The following GPM6A variants were observed in gnomAD, a reference collection of about 807,000 sequenced individuals.
GPM6A encodes the protein neuronal membrane glycoprotein M6-a.
GPM6A carries 7 observed loss-of-function variants against 32.1 expected under a neutral mutation model. That is an observed-to-expected ratio of 0.22 (90% CI 0.12 to 0.41). The LOEUF (loss-of-function observed/expected upper bound fraction) is 0.41, where lower values mean the gene tolerates loss of function less well. GPM6A is among the 10% of genes least tolerant of loss of function. GPM6A has a pLI of 1.00. For synonymous variants in GPM6A, 130 were observed against 123.4 expected, an observed-to-expected ratio of 1.05 and a Z score of -0.35; for missense variants, 235 against 347.2, an observed-to-expected ratio of 0.68 and a Z score of 2.57.
At chr4:175,772,083 T>C (rs924099506) in intron 1 of GPM6A, among the ~76,000 whole-genome samples, 14 of 152,162 alleles carry the variant, frequency 9.2e-5, no homozygotes, top group African/African-American at 3.4e-4. Context: ...TCCTCCCAGG[T>C]CAGTCACAAG....
rs149725391 is a variant in GPM6A, at chr4:175,648,113, CT to C, written c.541+3720del. Among the ~76,000 whole-genome samples the C allele has an allele frequency of 1.3e-3, 193 of 151,460 alleles. 3 individuals carry two copies. In the East Asian group the frequency reaches 0.029, roughly 23 times the overall value. On this transcript the variant is annotated intron_variant, in intron 4 of 6. Transcript: ENST00000393658. ...AAGAAATAATATAGCACATTCTTTT[CT>C]TTTTTTAAAAAAAAAAGACAATCAG... is the stretch of plus-strand genomic sequence containing the variant.
chr4:175,744,633 A>C (rs996065047), intron 1 of GPM6A, among the ~76,000 whole-genome samples: 5 of 152,160 alleles, frequency 3.3e-5, no homozygotes, highest in South Asian at 2.1e-4. Flanking sequence ...GGAAGAAAAA[A>C]TAATAACACA....
intron 1 of GPM6A, among the ~76,000 whole-genome samples, chr4:175,839,780 ATATAT>A (rs942075590): frequency 5.3e-5 from 8 of 152,144 alleles, no homozygotes; most frequent in African/African-American, 1.7e-4. Flanking sequence ...TAGCTTGTTC[ATATAT>A]TATAATTCCA....
chr4:175,637,306 A>ATATAT (rs1740749386), intron 6 of GPM6A, among the ~76,000 whole-genome samples: 2 of 80,762 alleles, frequency 2.5e-5, no homozygotes, highest in African/African-American at 1.0e-4. Flanking sequence ...ATTATATATT[A>ATATAT]TATATAATAT....
chr4:175,978,420 G>T (rs1314686071), intron 1 of GPM6A, among the ~76,000 whole-genome samples: 1 of 152,096 alleles, frequency 6.6e-6, no homozygotes, highest in Non-Finnish European at 1.5e-5. Context: ...GATGAGATTT[G>T]GGTGGGGACA....
chr4:175,821,785 C>T (rs7676791), intron 1 of GPM6A, among the ~76,000 whole-genome samples: 126,336 of 151,932 alleles, frequency 0.83, 53,929 homozygotes, highest in Middle Eastern at 0.95. Flanking sequence ...TTTTAAAAAT[C>T]AGTCCTATAA....
At chr4:175,995,360 TG>T (rs1319882552) in intron 1 of GPM6A, among the ~76,000 whole-genome samples, 1 of 147,238 alleles carries the variant, frequency 6.8e-6, no homozygotes, top group East Asian at 2.0e-4. Context: ...AATTGCTGCT[TG>T]ATCCTTTCAA....
At chr4:175,835,772 TATATA>T (rs200186452) in intron 1 of GPM6A, among the ~76,000 whole-genome samples, 2,141 of 147,726 alleles carry the variant, frequency 0.014, 55 homozygotes, top group African/African-American at 0.051. Context: ...TTACTAACAT[TATATA>T]ATAAAGCATA....
intron 1 of GPM6A, among the ~76,000 whole-genome samples, chr4:175,893,008 C>T (rs2111478966): frequency 6.6e-6 from 1 of 152,306 alleles, no homozygotes; most frequent in East Asian, 1.9e-4. Flanking sequence ...GTTCTGCTCC[C>T]TTTGCTTGAA....
At chr4:175,804,757 G>A (rs1026146859) in intron 1 of GPM6A, among the ~76,000 whole-genome samples, 2 of 152,126 alleles carry the variant, frequency 1.3e-5, no homozygotes, top group Non-Finnish European at 2.9e-5. Context: ...TGTTAAAAAT[G>A]AAAGTGGGCC....
At chr4:175,927,848 G>C (rs1001278807) in intron 1 of GPM6A, among the ~76,000 whole-genome samples, 4 of 152,148 alleles carry the variant, frequency 2.6e-5, no homozygotes, top group East Asian at 1.9e-4. Flanking sequence ...TCACGCCTCT[G>C]AACTCCAGCC....
chr4:175,962,193 CT>C (rs1740188849), intron 1 of GPM6A: 2 of 1,193,230 alleles, frequency 1.7e-6, no homozygotes. Context: ...TTCTTTGCCC[CT>C]GGAGTATTGG....
chr4:175,895,534 A>C (rs1391364335), intron 1 of GPM6A, among the ~76,000 whole-genome samples: 1 of 152,188 alleles, frequency 6.6e-6, no homozygotes, highest in Non-Finnish European at 1.5e-5. Context: ...GAAAAATAAT[A>C]TCTACAGGTA....
intron 1 of GPM6A, among the ~76,000 whole-genome samples, chr4:175,936,472 T>C (rs1739239168): frequency 6.6e-6 from 1 of 151,774 alleles, no homozygotes; most frequent in South Asian, 2.1e-4. Context: ...TAGAACATAG[T>C]TACCCAGAGA....
chr4:175,851,340 C>G (rs1736248904), intron 1 of GPM6A, among the ~76,000 whole-genome samples: 1 of 152,192 alleles, frequency 6.6e-6, no homozygotes, highest in South Asian at 2.1e-4. Flanking sequence ...CAAAAATTAG[C>G]TGAGCATGGT....
chr4:175,792,247 T>C (rs1016539801), intron 1 of GPM6A, among the ~76,000 whole-genome samples: 1 of 152,206 alleles, frequency 6.6e-6, no homozygotes, highest in African/African-American at 2.4e-5. Flanking sequence ...TGGTTATGCA[T>C]TGGATTGAAA....
chr4:175,768,852 T>C (rs1358436166), intron 1 of GPM6A, among the ~76,000 whole-genome samples: 2 of 152,074 alleles, frequency 1.3e-5, no homozygotes, highest in African/African-American at 4.8e-5. Flanking sequence ...TCTCAGCAGT[T>C]TGGGAGGCCG....
intron 1 of GPM6A, among the ~76,000 whole-genome samples, chr4:175,887,984 A>G (rs1003255763): frequency 1.3e-5 from 2 of 151,966 alleles, no homozygotes; most frequent in Non-Finnish European, 2.9e-5. Flanking sequence ...ACTTAATGCT[A>G]TATTACTACA....
chr4:175,789,845 T>G (rs2111272036), intron 1 of GPM6A, among the ~76,000 whole-genome samples: 2 of 152,324 alleles, frequency 1.3e-5, no homozygotes, highest in South Asian at 4.1e-4. Flanking sequence ...CCAATGTGCC[T>G]TTGTATGCCA....
Sources: allele counts gnomAD v4.1 joint callset (sites outside exome capture counted in the v4.1 genomes callset), GRCh38; gene constraint gnomAD v4.1.1; transcripts MANE v1.5; gene names NCBI Gene and HGNC (gene_info 2026-07-23, HGNC 2026-07-21).